Variants in PRKCE observed in about 807,000 individuals in gnomAD.
The protein encoded by PRKCE is protein kinase C epsilon type.
PRKCE carries 16 observed loss-of-function variants against 85.4 expected under a neutral mutation model. The ratio of observed to expected loss-of-function variants is 0.19; its 90% CI spans 0.13 to 0.28. The LOEUF is 0.28. PRKCE is among the 10% of genes least tolerant of loss of function. PRKCE has a pLI of 1.00. For synonymous variants in PRKCE, 388 were observed against 371.5 expected (o/e 1.04, Z -0.51); for missense variants, 573 against 975.2 (o/e 0.59, Z 5.49).
At chr2:46,032,413 C>T (rs75004882) in intron 10 of PRKCE, among the ~76,000 whole-genome samples, 3,913 of 152,248 alleles carry the variant, frequency 0.026, 117 homozygotes, top group East Asian at 0.12. Context: ...CTGGGAAAAC[C>T]GCCATCCCTC....
intron 2 of PRKCE, among the ~76,000 whole-genome samples, chr2:45,856,605 A>T (rs1205453971): frequency 6.6e-6 from 1 of 152,140 alleles, no homozygotes; most frequent in East Asian, 1.9e-4. Context: ...ACACATTGTT[A>T]TTTGCTGTAG....
chr2:45,832,582 A>G (rs1180405085), intron 1 of PRKCE, among the ~76,000 whole-genome samples: 1 of 152,028 alleles, frequency 6.6e-6, no homozygotes, highest in Admixed American at 6.5e-5. Context: ...AAGTGCTGGG[A>G]TTACAGGCGT....
At chr2:45,970,025 C>A in intron 2 of PRKCE, among the ~76,000 whole-genome samples, 1 of 152,112 alleles carries the variant, frequency 6.6e-6, no homozygotes, top group East Asian at 1.9e-4. Flanking sequence ...AAGGATATAG[C>A]TTTTAGTTTG....
intron 1 of PRKCE, among the ~76,000 whole-genome samples, chr2:45,834,334 A>G (rs1262770387): frequency 1.3e-5 from 2 of 152,204 alleles, no homozygotes; most frequent in East Asian, 3.9e-4. Flanking sequence ...AGTCTGGGGG[A>G]TTGGAGATTA....
intron 14 of PRKCE, among the ~76,000 whole-genome samples, chr2:46,178,785 C>T (rs909462381): frequency 6.6e-6 from 1 of 152,150 alleles, no homozygotes; most frequent in East Asian, 1.9e-4. Context: ...CGTTAAGTAT[C>T]TGCTGTGTGC....
At chr2:46,152,559 T>C (rs1676750768) in intron 13 of PRKCE, among the ~76,000 whole-genome samples, 1 of 151,856 alleles carries the variant, frequency 6.6e-6, no homozygotes, top group Non-Finnish European at 1.5e-5. Context: ...TTAATGTAAT[T>C]TTTTTTCAAG....
chr2:45,724,121 A>G lies in PRKCE; in HGVS notation c.348+71673A>G, dbSNP rs186386999. Among the ~76,000 whole-genome samples, 3 of 152,172 alleles carry G rather than the reference A, an allele frequency of 2.0e-5. No individual in the cohort carries two copies. The East Asian group carries it at 5.8e-4, about 29-fold the overall frequency. On this transcript the variant is annotated intron_variant, in intron 1 of 14. Coordinates refer to ENST00000306156, the MANE Select transcript of PRKCE (RefSeq NM_005400.3). ...TTCGCAGATGTTGTGCTTTTTACAGATTGGAAGTTTGTGGCAAGCCTGTGT... is the reference window on the plus strand; with the variant it reads ...TTCGCAGATGTTGTGCTTTTTACAGGTTGGAAGTTTGTGGCAAGCCTGTGT...
At chr2:45,662,657 T>C (rs751292748) in intron 1 of PRKCE, among the ~76,000 whole-genome samples, 2 of 150,008 alleles carry the variant, frequency 1.3e-5, no homozygotes, top group African/African-American at 2.4e-5. Flanking sequence ...CCATGAAGTT[T>C]AGCCTTGTCT....
intron 14 of PRKCE, among the ~76,000 whole-genome samples, chr2:46,183,376 C>T (rs1349878815): frequency 6.6e-6 from 1 of 152,172 alleles, no homozygotes; most frequent in East Asian, 1.9e-4. Flanking sequence ...TAGTGGTTTC[C>T]ACAGAGCATA....
intron 11 of PRKCE, among the ~76,000 whole-genome samples, chr2:46,098,921 T>A (rs3754575): frequency 1.3e-5 from 2 of 151,602 alleles, no homozygotes; most frequent in South Asian, 4.2e-4. Context: ...TGACTCAGGC[T>A]GGAGGTGGGG....
At position 45,944,655 on chromosome 2, in the gene PRKCE, A is replaced by ATTTTTTTTTTTTT. The variant is rs71394861; in HGVS notation, c.413-31759_413-31747dup. The stretch of plus-strand genomic sequence containing the variant: ...AGGTGCGTGCCACCATACCCGGCTA[A>ATTTTTTTTTTTTT]TTTTTTTTTTTTTTTTTTTTTTTTT... On this transcript the variant is annotated intron_variant, in intron 2 of 14. Transcript: ENST00000306156. Among the ~76,000 whole-genome samples, 17 of 75,628 alleles carry ATTTTTTTTTTTTT rather than the reference A, an allele frequency of 2.2e-4. 1 individual carries two copies. The highest frequency in any genetic ancestry group is 4.7e-4 in the Admixed American group (3 of 6,420). 49.6% of individuals were successfully genotyped at this position (75,628 alleles called of 152,430 possible).
chr2:45,657,764 C>T (rs1044469020), intron 1 of PRKCE, among the ~76,000 whole-genome samples: 1 of 152,178 alleles, frequency 6.6e-6, no homozygotes, highest in African/African-American at 2.4e-5. Flanking sequence ...GGGAGATAGG[C>T]CTATACCCTG....
intron 1 of PRKCE, among the ~76,000 whole-genome samples, chr2:45,821,921 C>G (rs1689566048): frequency 6.6e-6 from 1 of 152,082 alleles, no homozygotes; most frequent in Non-Finnish European, 1.5e-5. Context: ...GGATTGGCAC[C>G]AGGGACGAGA....
At chr2:45,928,817 T>C (rs1031732079) in intron 2 of PRKCE, among the ~76,000 whole-genome samples, 1 of 152,104 alleles carries the variant, frequency 6.6e-6, no homozygotes, top group Admixed American at 6.5e-5. Flanking sequence ...ATGCATATAA[T>C]GCATGCACAT....
intron 10 of PRKCE, among the ~76,000 whole-genome samples, chr2:46,057,149 G>A (rs912715548): frequency 6.6e-6 from 1 of 152,216 alleles, no homozygotes; most frequent in African/African-American, 2.4e-5. Context: ...AGCTGCTCAC[G>A]TGGTGGCTGA....
chr2:45,690,568 A>G (rs1228889209), intron 1 of PRKCE, among the ~76,000 whole-genome samples: 1 of 152,254 alleles, frequency 6.6e-6, no homozygotes, highest in Non-Finnish European at 1.5e-5. Context: ...ATTGGAGACA[A>G]AAACTGCACT....
In PRKCE at chr2:46,004,175, T is replaced by C; in HGVS notation, c.967-367T>C. 1 of 299,692 alleles carries C rather than the reference T, an allele frequency of 3.3e-6. No individual in the cohort carries two copies. Among genetic ancestry groups the C allele is most frequent in the South Asian group, 3.2e-5 (1 of 31,110 alleles). 18.6% of individuals were successfully genotyped at this position (299,692 alleles called of 1,614,324 possible). ...TCTTCCTGTAAACCTGGACTACTTT[T>C]CCAGCTTGCTAACCTTTATGGTGTC... On this transcript the variant is annotated intron_variant, in intron 7 of 14. Transcript: ENST00000306156. This position sits in a 1 kb window ranked among gnomAD's most constrained non-coding sequence, Gnocchi z 4.1.
chr2:45,723,673 C>T (rs1046849877), intron 1 of PRKCE, among the ~76,000 whole-genome samples: 7 of 152,140 alleles, frequency 4.6e-5, no homozygotes, highest in African/African-American at 9.7e-5. Flanking sequence ...GGCGCGATCT[C>T]GGCTCACTGC....
In PRKCE at chr2:45,651,909, C is replaced by T. The variant is rs532206195; in HGVS notation, c.-192C>T. 10 of 505,156 alleles carry T rather than the reference C, an allele frequency of 2.0e-5. No homozygotes were observed. The East Asian group carries it at 2.5e-4, about 13-fold the overall frequency. The allele number at this position is 505,156 out of a possible 1,614,324, so 31.3% of individuals were successfully genotyped here. On this transcript the variant is annotated 5_prime_UTR_variant, in exon 1 of 15. Transcript: ENST00000306156. ...CCCTCCCTGTTTTCCGTTAGGAACC[C>T]GGCGAGGAAATACATGCACTGGCTG...
Sources: allele counts gnomAD v4.1 joint callset (sites outside exome capture counted in the v4.1 genomes callset), GRCh38; gene constraint gnomAD v4.1.1; non-coding constraint Gnocchi (gnomAD v3.1); transcripts MANE v1.5; gene names NCBI Gene and HGNC (gene_info 2026-07-23, HGNC 2026-07-21).